The following EPB41L2 variants were observed in gnomAD, a reference collection of about 807,000 sequenced individuals.
EPB41L2 encodes erythrocyte membrane protein band 4.1 like 2.
In EPB41L2, 43 loss-of-function variants were observed where a neutral mutation model predicts 113.0. That is an observed-to-expected ratio of 0.38 (90% CI 0.30 to 0.49). The LOEUF is 0.49. Ranked by LOEUF, EPB41L2 falls within the 20% of genes least tolerant of loss-of-function variation. The probability of loss-of-function intolerance (pLI) is 0.95; values close to 1 mark genes in which losing one functional copy is unlikely to be tolerated. For synonymous variants in EPB41L2, 442 were observed against 436.7 expected, an observed-to-expected ratio of 1.01 and a Z score of -0.15; for missense variants, 1,147 against 1,223.4, an observed-to-expected ratio of 0.94 and a Z score of 0.93.
At chr6:130,998,955 T>C (rs1783744981) in intron 1 of EPB41L2, among the ~76,000 whole-genome samples, 1 of 152,148 alleles carries the variant, frequency 6.6e-6, no homozygotes, top group Non-Finnish European at 1.5e-5. Context: ...TGACTCTCCT[T>C]TTCCAGCCTT....
At chr6:131,055,844 GCTTC>G (rs958329750) in intron 1 of EPB41L2, among the ~76,000 whole-genome samples, 23 of 152,104 alleles carry the variant, frequency 1.5e-4, no homozygotes, top group African/African-American at 4.8e-4. Context: ...AAAACCATTA[GCTTC>G]CTTATTTTTT....
At chr6:130,963,092 A>T (rs1774029812) in intron 1 of EPB41L2, among the ~76,000 whole-genome samples, 2 of 144,516 alleles carry the variant, frequency 1.4e-5, no homozygotes, top group South Asian at 4.5e-4. Context: ...CAAGAGAATC[A>T]CAGAGAAGAG....
In EPB41L2 at chr6:130,869,821, C is replaced by A. The variant is rs186506443; in HGVS notation, c.2349G>T (p.Pro783=). 1.9e-4 allele frequency: 302 copies of A among 1,613,868 alleles called. No individual in the cohort carries two copies. The East Asian group carries it at 6.1e-3, about 33-fold the overall frequency. ...YEEEVEEEPR[P]AAKVVEREEA... ...CCTCCCTCTCTACTACCTTGGCTGC[C>A]GGGCGGGGTTCTTCCTCCACCTCTT... is the stretch of plus-strand genomic sequence containing the variant. The change falls in exon 15 of 20, where the codon CCG becomes CCT. Residue 783 remains proline, a synonymous_variant. Coordinates refer to ENST00000337057, the MANE Select transcript of EPB41L2 (RefSeq NM_001431.4).
intron 1 of EPB41L2, among the ~76,000 whole-genome samples, chr6:131,006,675 A>G (rs936945518): frequency 2.0e-5 from 3 of 152,016 alleles, no homozygotes; most frequent in Non-Finnish European, 4.4e-5. Flanking sequence ...CTCAAAAAAA[A>G]AAAAAAGATT....
chr6:130,917,607 T>A (rs1416097672), intron 4 of EPB41L2, among the ~76,000 whole-genome samples: 2 of 152,134 alleles, frequency 1.3e-5, no homozygotes, highest in African/African-American at 4.8e-5. Context: ...TGACTATAAA[T>A]TTCCACTTCT....
At chr6:130,927,768 A>C (rs1805253622) in intron 3 of EPB41L2, among the ~76,000 whole-genome samples, 1 of 152,190 alleles carries the variant, frequency 6.6e-6, no homozygotes, top group Non-Finnish European at 1.5e-5. Context: ...AAGAAGGAGA[A>C]TGCCACACAG....
chr6:130,895,253 ACG>A (rs1320780838), intron 8 of EPB41L2, 134 bp from the exon 9 acceptor site: 3 of 973,512 alleles, frequency 3.1e-6, no homozygotes. Context: ...AGTGACAAGT[ACG>A]CACGTTAATG....
intron 4 of EPB41L2, among the ~76,000 whole-genome samples, chr6:130,910,925 T>C (rs1799190752): frequency 6.6e-6 from 1 of 152,180 alleles, no homozygotes; most frequent in Admixed American, 6.5e-5. Flanking sequence ...ACACTGTTGG[T>C]GGGAGTGTAA....
intron 6 of EPB41L2, among the ~76,000 whole-genome samples, chr6:130,902,008 C>G (rs2039830): frequency 0.77 from 117,672 of 152,226 alleles, 46,055 homozygotes; most frequent in East Asian, 1. Context: ...AGAAACATGT[C>G]ATATATACCC....
chr6:130,922,403 C>T (rs1803148861), intron 4 of EPB41L2, among the ~76,000 whole-genome samples: 1 of 152,202 alleles, frequency 6.6e-6, no homozygotes, highest in South Asian at 2.1e-4. Flanking sequence ...TCTTCTACTT[C>T]CAGTTGTGAT....
chr6:130,884,886 A>G (rs1372148185), intron 12 of EPB41L2, among the ~76,000 whole-genome samples: 1 of 152,242 alleles, frequency 6.6e-6, no homozygotes, highest in Non-Finnish European at 1.5e-5. Context: ...TAAATTACTT[A>G]CTTGCATTAA....
chr6:130,850,038 G>C lies in EPB41L2; in HGVS notation c.*5+8093C>G, dbSNP rs142175701. 0.023 allele frequency among the ~76,000 whole-genome samples: 3,467 copies of C among 152,238 alleles called. 221 individuals carry two copies. In the East Asian group the frequency reaches 0.26, roughly 12 times the overall value. The stretch of plus-strand genomic sequence containing the variant: ...CACCTGAGGTCAGTCAGGAGTTCGA[G>C]ACCAGCCTGGCCAACATAGGGAAAC... On this transcript the variant is annotated intron_variant, in intron 19 of 19. Transcript: ENST00000337057.
Position 130,956,341 on chromosome 6 carries a change from G to T in EPB41L2, c.145C>A (p.Pro49Thr), listed in dbSNP as rs201265999. 4.2e-5 allele frequency: 67 copies of T among 1,613,956 alleles called. No individual in the cohort carries two copies. The highest frequency in any genetic ancestry group is 1.6e-4 in the Middle Eastern group (1 of 6,084). ...SDPEEEKGSQ[P>T]PPAAESQSSL... ...CTTTGGCTTTCAGCTGCAGGAGGTGGCTGGGAACCTTTTTCCTCCTCTGGA... is the reference window on the plus strand; with the variant it reads ...CTTTGGCTTTCAGCTGCAGGAGGTGTCTGGGAACCTTTTTCCTCCTCTGGA... The change falls in exon 2 of 20, where the codon CCA becomes ACA. Residue 49 changes from proline to threonine, a missense_variant. Physicochemically the swap from Pro to Thr is conservative, Grantham distance 38. Coordinates refer to ENST00000337057, the MANE Select transcript of EPB41L2 (RefSeq NM_001431.4).
intron 1 of EPB41L2, among the ~76,000 whole-genome samples, chr6:130,997,591 T>A (rs948814567): frequency 2.0e-5 from 3 of 152,242 alleles, no homozygotes; most frequent in Middle Eastern, 6.8e-3. Context: ...TCAAGCACAA[T>A]ACACGCACAA....
intron 1 of EPB41L2, among the ~76,000 whole-genome samples, chr6:131,038,548 G>A (rs1311636622): frequency 6.6e-6 from 1 of 152,066 alleles, no homozygotes; most frequent in African/African-American, 2.4e-5. Flanking sequence ...AAATAATCTT[G>A]TAAAGTTATT....
At chr6:130,859,188 G>C (rs1174091175) in intron 18 of EPB41L2, among the ~76,000 whole-genome samples, 2 of 152,206 alleles carry the variant, frequency 1.3e-5, no homozygotes, top group Non-Finnish European at 2.9e-5. Flanking sequence ...TAAAGTATGG[G>C]TGAGAAAACA....
intron 3 of EPB41L2, among the ~76,000 whole-genome samples, chr6:130,944,162 TACACACACATACACACACACAC>T (rs1811919901): frequency 1.5e-5 from 2 of 132,902 alleles, no homozygotes; most frequent in African/African-American, 2.7e-5. Flanking sequence ...TATACGTACA[TACACACACATACACACACACAC>T]ACACACACAC....
chr6:130,908,949 T>C (rs1798512340), intron 4 of EPB41L2, 86 bp from the exon 5 acceptor site: 2 of 1,076,070 alleles, frequency 1.9e-6, no homozygotes, highest in South Asian at 1.5e-5. Context: ...TATTTAAGTG[T>C]AAACACATTT....
At chr6:130,908,937 ATTAT>A (rs1798509082) in intron 4 of EPB41L2, 74 bp from the exon 5 acceptor site, 30 of 1,187,042 alleles carry the variant, frequency 2.5e-5, no homozygotes, top group Non-Finnish European at 3.4e-5. Flanking sequence ...AGTTCACATA[ATTAT>A]TTAAGTGTAA....
Sources: gnomAD v4.1 joint callset for allele counts (sites outside exome capture counted in the v4.1 genomes callset) on GRCh38, gnomAD v4.1.1 for gene constraint, MANE v1.5 for transcripts, NCBI Gene and HGNC (gene_info 2026-07-23, HGNC 2026-07-21) for gene names.